MAP2K5: variants seen among roughly 807,000 people sequenced by gnomAD.
MAP2K5 encodes the protein dual specificity mitogen-activated protein kinase kinase 5.
In MAP2K5, 49 loss-of-function variants were observed where a neutral mutation model predicts 83.1. The observed-to-expected ratio is 0.59, with a 90% CI of 0.47 to 0.75. The LOEUF (loss-of-function observed/expected upper bound fraction) is 0.75. MAP2K5 is among the 30% of genes least tolerant of loss of function. MAP2K5 has a pLI of 0.00. For missense variants in MAP2K5, 457 were observed against 557.5 expected (o/e 0.82, Z 1.82); for synonymous variants, 202 against 191.8 (o/e 1.05, Z -0.44).
intron 8 of MAP2K5, among the ~76,000 whole-genome samples, chr15:67,603,907 C>T (rs1456858999): frequency 1.3e-5 from 2 of 152,140 alleles, no homozygotes; most frequent in Non-Finnish European, 2.9e-5. Context: ...AACAAAACTG[C>T]CTAATAGGCT....
In MAP2K5 at chr15:67,716,334, C is replaced by T. The variant is rs545500132; in HGVS notation, c.1045-11582C>T. 3.3e-5 allele frequency among the ~76,000 whole-genome samples: 5 copies of T among 151,958 alleles called. No individual in the cohort carries two copies. The East Asian group carries it at 9.7e-4, about 29-fold the overall frequency. ...CCAGCAACCGAGCAAGACTCTGACT[C>T]TAAAAATAAAAAAGAAAATAAATAA... On this transcript the variant is annotated intron_variant, in intron 16 of 21. Coordinates refer to ENST00000178640, the MANE Select transcript of MAP2K5 (RefSeq NM_145160.3).
intron 8 of MAP2K5, among the ~76,000 whole-genome samples, chr15:67,616,193 A>AAGAAGCATCATCTGTAAGAAT (rs1160468191): frequency 6.6e-6 from 1 of 151,954 alleles, no homozygotes; most frequent in East Asian, 1.9e-4. Context: ...ACACAGAGCA[A>AAGAAGCATCATCTGTAAGAAT]AGAAGCATCA....
intron 21 of MAP2K5, among the ~76,000 whole-genome samples, chr15:67,796,024 G>A (rs1258277430): frequency 6.6e-6 from 1 of 151,906 alleles, no homozygotes; most frequent in Non-Finnish European, 1.5e-5. Context: ...ATATAGCTAT[G>A]CCATCTTCTT....
At chr15:67,673,719 T>C (rs1476284934) in intron 13 of MAP2K5, among the ~76,000 whole-genome samples, 1 of 152,202 alleles carries the variant, frequency 6.6e-6, no homozygotes, top group African/African-American at 2.4e-5. Flanking sequence ...TAAAAGATAA[T>C]TTGCATAAAG....
intron 4 of MAP2K5, among the ~76,000 whole-genome samples, chr15:67,583,744 C>CTTATTTATTTAT (rs111272531): frequency 4.3e-4 from 63 of 147,936 alleles, no homozygotes; most frequent in Admixed American, 2.1e-3. Flanking sequence ...TGATTGTTTC[C>CTTATTTATTTAT]TTATTTATTT....
rs369456065 is a variant in MAP2K5 at position 67,778,518 on chromosome 15, A to G, written c.1242+5766A>G. Among the ~76,000 whole-genome samples, 1 of 152,200 alleles carries G rather than the reference A, an allele frequency of 6.6e-6. No individual in the cohort carries two copies. The highest frequency in any genetic ancestry group is 1.9e-4 in the East Asian group (1 of 5,188). The stretch of plus-strand genomic sequence containing the variant: ...GGCTATTGCAGTAGGGAGAGTGTTT[A>G]TTAATGAGGAATGGCTCAAAGAAAA... On this transcript the variant is annotated intron_variant, in intron 21 of 21. Transcript: ENST00000178640. The surrounding 1 kb of genome is among the most constrained non-coding windows in gnomAD (Gnocchi z 5.0).
rs574365833 is a variant in MAP2K5, at chr15:67,559,288, T to C, written c.185-3995T>C. 3.6e-4 allele frequency among the ~76,000 whole-genome samples: 55 copies of C among 152,326 alleles called. No individual in the cohort carries two copies. The highest frequency in any genetic ancestry group is 2.1e-3 in the South Asian group (10 of 4,826). ...CTCTTTGTAGAAGCTAGATTGTTTC[T>C]CTTGAAAGCCTTCTTGAGCCCCTGT... is the stretch of plus-strand genomic sequence containing the variant. On this transcript the variant is annotated intron_variant, in intron 2 of 21. Transcript: ENST00000178640. This position sits in a 1 kb window ranked among gnomAD's most constrained non-coding sequence, Gnocchi z 4.7.
chr15:67,663,925 T>C (rs2087303814), intron 12 of MAP2K5, among the ~76,000 whole-genome samples: 1 of 152,158 alleles, frequency 6.6e-6, no homozygotes, highest in Admixed American at 6.5e-5. Flanking sequence ...AAAAAAAGTT[T>C]TACACACAGA....
Position 67,748,101 on chromosome 15 carries a change from T to C in MAP2K5, c.1075-130T>C. 1 of 629,702 alleles carries C rather than the reference T, an allele frequency of 1.6e-6. No homozygotes were observed. The highest frequency in any genetic ancestry group is 2.9e-6 in the Non-Finnish European group (1 of 344,962). The allele number at this position is 629,702 out of a possible 1,614,324, so 39.0% of individuals were successfully genotyped here. A position where few individuals can be genotyped will look rare whatever the true frequency, so the allele number is the denominator to read the frequency against. ...GCTATTAACATTTGTGTATTTTCATTATGTAAATTGTGTTAACACATGCCC... is the reference window on the plus strand; with the variant it reads ...GCTATTAACATTTGTGTATTTTCATCATGTAAATTGTGTTAACACATGCCC... On this transcript the variant is annotated intron_variant, in intron 17 of 21. Transcript: ENST00000178640. This position sits in a 1 kb window ranked among gnomAD's most constrained non-coding sequence, Gnocchi z 4.0.
At chr15:67,600,213 A>C (rs2141025370) in intron 7 of MAP2K5, among the ~76,000 whole-genome samples, 1 of 152,278 alleles carries the variant, frequency 6.6e-6, no homozygotes, top group Admixed American at 6.5e-5. Flanking sequence ...AACATTATTT[A>C]GTTTGTTAAA....
At position 67,775,322 on chromosome 15, in the gene MAP2K5, ATATC is replaced by A. The variant is rs1685934351; in HGVS notation, c.1242+2571_1242+2574del. Among the ~76,000 whole-genome samples the A allele has an allele frequency of 6.6e-6, 1 of 152,176 alleles. No individual in the cohort carries two copies. The highest frequency in any genetic ancestry group is 2.4e-5 in the African/African-American group (1 of 41,434). ...GTTCTTATGATGGTTTTCGGTCTTT[ATATC>A]CTAAGTGGAAGTATTTTAAAGTTGG... is the stretch of plus-strand genomic sequence containing the variant. On this transcript the variant is annotated intron_variant, in intron 21 of 21. Transcript: ENST00000178640. This position sits in a 1 kb window ranked among gnomAD's most constrained non-coding sequence, Gnocchi z 5.3.
rs577853424 is a variant in MAP2K5, at chr15:67,640,940, T to A, written c.586-5291T>A. Reference sequence around the variant, plus strand: ...ATGCTAATCACATTTTAAAGATAACTATTTCATAATGACCATGTGTAATTC... The same window carrying A: ...ATGCTAATCACATTTTAAAGATAACAATTTCATAATGACCATGTGTAATTC... On this transcript the variant is annotated intron_variant, in intron 9 of 21. Coordinates refer to ENST00000178640, the MANE Select transcript of MAP2K5 (RefSeq NM_145160.3). The surrounding 1 kb of genome is among the most constrained non-coding windows in gnomAD (Gnocchi z 4.6). Among the ~76,000 whole-genome samples, 40 of 152,352 alleles carry A rather than the reference T, an allele frequency of 2.6e-4. No individual in the cohort carries two copies. The highest frequency in any genetic ancestry group is 5.3e-4 in the Non-Finnish European group (36 of 68,030).
intron 2 of MAP2K5, 57 bp downstream of exon 2, chr15:67,550,139 G>A (rs2084479176): frequency 2.2e-6 from 3 of 1,368,314 alleles, no homozygotes; most frequent in East Asian, 2.3e-5. Flanking sequence ...TTTTTTAAAG[G>A]GTTTATGGGT....
chr15:67,647,042 A>T (rs1297067658), intron 11 of MAP2K5, among the ~76,000 whole-genome samples: 1 of 152,152 alleles, frequency 6.6e-6, no homozygotes, highest in Non-Finnish European at 1.5e-5. Flanking sequence ...TTCTAGGGAC[A>T]TATCAGTGAA....
intron 2 of MAP2K5, among the ~76,000 whole-genome samples, chr15:67,558,068 T>C (rs2084663386): frequency 6.6e-6 from 1 of 152,198 alleles, no homozygotes; most frequent in Non-Finnish European, 1.5e-5. Flanking sequence ...CAAATCCCTT[T>C]TAGTCTTATG....
At chr15:67,589,882 A>T (rs2141008857) in intron 6 of MAP2K5, among the ~76,000 whole-genome samples, 1 of 152,178 alleles carries the variant, frequency 6.6e-6, no homozygotes, top group East Asian at 1.9e-4. Flanking sequence ...TATCCTTTAT[A>T]AATTAGGGAT....
chr15:67,598,799 C>T (rs1322140672), intron 7 of MAP2K5, among the ~76,000 whole-genome samples: 1 of 152,162 alleles, frequency 6.6e-6, no homozygotes, highest in African/African-American at 2.4e-5. Context: ...TAGCAACTTC[C>T]TGCTTACTCT....
At chr15:67,716,019 A>T (rs2088819895) in intron 16 of MAP2K5, among the ~76,000 whole-genome samples, 1 of 152,202 alleles carries the variant, frequency 6.6e-6, no homozygotes, top group African/African-American at 2.4e-5. Flanking sequence ...GCAGTCATAT[A>T]TTCATTTGGT....
chr15:67,679,993 A>C (rs2087776896), intron 13 of MAP2K5: 1 of 152,234 alleles, frequency 6.6e-6, no homozygotes, highest in African/African-American at 2.4e-5. Context: ...TCCTGTCCTC[A>C]GCCCCAGGGA....
Sources: gnomAD v4.1 joint callset for allele counts (sites outside exome capture counted in the v4.1 genomes callset) on GRCh38, gnomAD v4.1.1 for gene constraint, Gnocchi (gnomAD v3.1) non-coding constraint, MANE v1.5 for transcripts, NCBI Gene and HGNC (gene_info 2026-07-23, HGNC 2026-07-21) for gene names.